Variants in MSRA observed in about 807,000 individuals in gnomAD.
MSRA encodes mitochondrial peptide methionine sulfoxide reductase.
Under a neutral mutation model 31.3 loss-of-function variants are expected in MSRA, and 54 were observed. The observed-to-expected ratio is 1.73, with a 90% CI of 1.39 to 2.17. The LOEUF is 2.17. Ranked by LOEUF, MSRA falls within the 30% of genes most tolerant of loss-of-function variation. MSRA has a pLI of 0.00. For synonymous variants in MSRA, 169 were observed against 116.5 expected (o/e 1.45, Z -2.90); for missense variants, 507 against 300.9 (o/e 1.69, Z -5.07).
intron 1 of MSRA, among the ~76,000 whole-genome samples, chr8:10,205,220 T>G (rs1450655686): frequency 6.6e-6 from 1 of 152,036 alleles, no homozygotes; most frequent in Non-Finnish European, 1.5e-5. Context: ...ACAAGGGATA[T>G]ACAAGAGTTA....
chr8:10,244,526 A>T (rs1373763135), intron 2 of MSRA, among the ~76,000 whole-genome samples: 1 of 152,178 alleles, frequency 6.6e-6, no homozygotes, highest in Non-Finnish European at 1.5e-5. Flanking sequence ...TTATATCCAG[A>T]AATAAAACTC....
chr8:10,383,677 ATTC>A (rs1458308508), intron 5 of MSRA, among the ~76,000 whole-genome samples: 1 of 152,162 alleles, frequency 6.6e-6, no homozygotes, highest in East Asian at 1.9e-4. Flanking sequence ...GATTGGAATT[ATTC>A]TTCTGCCTAC....
chr8:10,280,988 T>C (rs913352547), intron 3 of MSRA, among the ~76,000 whole-genome samples: 2 of 152,206 alleles, frequency 1.3e-5, no homozygotes, highest in Non-Finnish European at 1.5e-5. Flanking sequence ...CATTAGTCAT[T>C]AGCTTGGACG....
At chr8:10,349,908 C>T (rs35309707) in intron 5 of MSRA, among the ~76,000 whole-genome samples, 22,770 of 152,232 alleles carry the variant, frequency 0.15, 3,293 homozygotes, top group East Asian at 0.81. Context: ...TCCCCTGTCA[C>T]CCCCTTTTGT....
At chr8:10,411,051 A>T (rs1343215227) in intron 5 of MSRA, 1 of 151,842 alleles carries the variant, frequency 6.6e-6, no homozygotes, top group African/African-American at 2.4e-5. Context: ...CTTCATTGCT[A>T]AGCAGCTTAA....
At chr8:10,272,402 A>G (rs1799091421) in intron 3 of MSRA, among the ~76,000 whole-genome samples, 1 of 152,212 alleles carries the variant, frequency 6.6e-6, no homozygotes, top group South Asian at 2.1e-4. Flanking sequence ...TTTTAGTTAG[A>G]GTTCAAAGGC....
At chr8:10,353,925 T>C (rs1804353827) in intron 5 of MSRA, 2 of 205,614 alleles carry the variant, frequency 9.7e-6, no homozygotes, top group African/African-American at 4.7e-5. Flanking sequence ...CAAAGGACCT[T>C]ATTATGGAAG....
rs377322072 is a variant in MSRA at position 10,428,687 on chromosome 8, A to G, written c.*375A>G. 6.1e-4 allele frequency: 149 copies of G among 246,114 alleles called. No individual in the cohort carries two copies. The South Asian group carries it at 6.6e-3, about 11-fold the overall frequency. The allele number at this position is 246,114 out of a possible 1,614,324, so 15.2% of individuals were successfully genotyped here. On this transcript the variant is annotated 3_prime_UTR_variant, in exon 6 of 6. Transcript: ENST00000317173. The stretch of plus-strand genomic sequence containing the variant: ...GCTCTCTGCCCGCCAGTGCCTTACA[A>G]TTTGCAAACGTGTATAGCCTCAGTG...
At chr8:10,377,674 G>A (rs1268038764) in intron 5 of MSRA, among the ~76,000 whole-genome samples, 3 of 152,204 alleles carry the variant, frequency 2.0e-5, no homozygotes, top group Non-Finnish European at 4.4e-5. Context: ...GGAGCAAGCG[G>A]TCTGTGTCTT....
At chr8:10,294,747 G>A (rs1800437647) in intron 3 of MSRA, among the ~76,000 whole-genome samples, 1 of 152,154 alleles carries the variant, frequency 6.6e-6, no homozygotes, top group Non-Finnish European at 1.5e-5. Flanking sequence ...AGTTCACACT[G>A]GAGGGGCACC....
At chr8:10,346,409 C>G (rs565244635) in intron 5 of MSRA, among the ~76,000 whole-genome samples, 9 of 152,326 alleles carry the variant, frequency 5.9e-5, no homozygotes, top group African/African-American at 2.2e-4. Context: ...CTCCCCCACT[C>G]TAGGGACTGT....
chr8:10,148,187 C>G (rs1300364284), intron 1 of MSRA, among the ~76,000 whole-genome samples: 5 of 152,096 alleles, frequency 3.3e-5, no homozygotes, highest in African/African-American at 1.2e-4. Context: ...TCTGGAAACG[C>G]AAGGATGGGT....
At chr8:10,316,482 C>G (rs548755727) in intron 4 of MSRA, among the ~76,000 whole-genome samples, 3 of 146,284 alleles carry the variant, frequency 2.1e-5, no homozygotes, top group East Asian at 4.0e-4. Context: ...AGCACAGTGC[C>G]TGGACATAGT....
In MSRA at chr8:10,070,462, G is replaced by T. The variant is rs183939023; in HGVS notation, c.142+15804G>T. 6.3e-4 allele frequency among the ~76,000 whole-genome samples: 96 copies of T among 152,286 alleles called. 1 individual carries two copies. The East Asian group carries it at 0.016, about 26-fold the overall frequency. On this transcript the variant is annotated intron_variant, in intron 1 of 5. Coordinates refer to ENST00000317173, the MANE Select transcript of MSRA (RefSeq NM_012331.5). ...GATAATGTTAGATTTACATGCAGTA[G>T]TTAGAAGTAATACAAACTGTTGTAC...
intron 1 of MSRA, among the ~76,000 whole-genome samples, chr8:10,169,153 CAG>C (rs1163521879): frequency 2.0e-5 from 3 of 152,332 alleles, no homozygotes; most frequent in East Asian, 1.9e-4. Flanking sequence ...TGTCCAGAGA[CAG>C]GGGCAGACTC....
chr8:10,079,562 C>G lies in MSRA; in HGVS notation c.142+24904C>G, dbSNP rs547602879. Among the ~76,000 whole-genome samples the G allele has an allele frequency of 1.3e-4, 20 of 152,286 alleles. No homozygotes were observed. In the East Asian group the frequency reaches 3.5e-3, roughly 27 times the overall value. The stretch of plus-strand genomic sequence containing the variant: ...GCTCCTGGTAGAAATGAATAGCTCC[C>G]TTATTAAAACTGACTGGTCTTAAGT... On this transcript the variant is annotated intron_variant, in intron 1 of 5. Transcript: ENST00000317173.
intron 1 of MSRA, among the ~76,000 whole-genome samples, chr8:10,071,916 AGAG>A (rs929197379): frequency 1.3e-5 from 2 of 152,232 alleles, no homozygotes; most frequent in African/African-American, 2.4e-5. Flanking sequence ...ATAGTTACAC[AGAG>A]AAGAGACAGA....
At chr8:10,413,659 A>AT (rs1445428661) in intron 5 of MSRA, among the ~76,000 whole-genome samples, 1 of 37,150 alleles carries the variant, frequency 2.7e-5, no homozygotes, top group Non-Finnish European at 5.7e-5. Flanking sequence ...GGAGAGAGAT[A>AT]TTAAAAAAAA....
chr8:10,374,951 T>C (rs1805676074), intron 5 of MSRA, among the ~76,000 whole-genome samples: 1 of 152,186 alleles, frequency 6.6e-6, no homozygotes, highest in Non-Finnish European at 1.5e-5. Flanking sequence ...CTCCTCTCTC[T>C]CTTGCTCCCT....
Sources: gnomAD v4.1 joint callset for allele counts (sites outside exome capture counted in the v4.1 genomes callset) on GRCh38, gnomAD v4.1.1 for gene constraint, MANE v1.5 for transcripts, NCBI Gene and HGNC (gene_info 2026-07-23, HGNC 2026-07-21) for gene names.